The following DAAM1 variants were observed in gnomAD, a reference collection of about 807,000 sequenced individuals.
DAAM1 encodes disheveled-associated activator of morphogenesis 1.
In DAAM1, 52 loss-of-function variants were observed where a neutral mutation model predicts 130.0. The observed-to-expected ratio is 0.40, with a 90% CI of 0.32 to 0.50. DAAM1 has a LOEUF of 0.50. Ranked by LOEUF, DAAM1 falls within the 20% of genes least tolerant of loss-of-function variation. DAAM1 has a pLI of 0.61. For synonymous variants in DAAM1, 452 were observed against 444.5 expected (o/e 1.02, Z -0.21); for missense variants, 1,134 against 1,303.8 (o/e 0.87, Z 2.01).
At chr14:59,353,749 T>C in intron 18 of DAAM1, 127 bp from the exon 19 acceptor site, 1 of 783,142 alleles carries the variant, frequency 1.3e-6, no homozygotes, top group Non-Finnish European at 2.1e-6. Flanking sequence ...ACAACTAATG[T>C]ATGTGTGTCG....
At chr14:59,208,466 C>T (rs944087972) in intron 1 of DAAM1, among the ~76,000 whole-genome samples, 2 of 152,198 alleles carry the variant, frequency 1.3e-5, no homozygotes, top group East Asian at 1.9e-4. Context: ...TTTGCAGTTT[C>T]GATGTGGCAG....
chr14:59,360,921 T>G, intron 22 of DAAM1, 59 bp downstream of exon 22: 4 of 1,513,842 alleles, frequency 2.6e-6, no homozygotes, highest in Non-Finnish European at 3.6e-6. Context: ...CTAGTGCTGG[T>G]GGTTTTCAGC....
intron 2 of DAAM1, among the ~76,000 whole-genome samples, chr14:59,289,767 G>GACATATATATATATATATAT (rs1883635912): frequency 9.1e-6 from 1 of 110,220 alleles, no homozygotes; most frequent in Non-Finnish European, 1.9e-5. Flanking sequence ...AACAAAATGT[G>GACATATATATATATATATAT]ATATATATAT....
At position 59,368,858 on chromosome 14, in the gene DAAM1, A is replaced by G. The variant is rs1273986511; in HGVS notation, c.3206A>G (p.Ter1069=). 6.2e-7 allele frequency: 1 copy of G among 1,612,806 alleles called. No homozygotes were observed. Among genetic ancestry groups the G allele is most frequent in the Non-Finnish European group, 8.5e-7 (1 of 1,179,338 alleles). Residue 1069 remains the stop codon, a stop_retained_variant, in exon 25 of 25, where the codon TAA becomes TGA. Coordinates refer to ENST00000360909, the MANE Select transcript of DAAM1 (RefSeq NM_001270520.2). The part of the protein sequence containing the change: ...RERPITKLNF[*] Reference sequence around the variant, plus strand: ...AGACCAATCACAAAACTTAATTTCTAATTTTCCATGAATACTTTTTTTTAG... The same window carrying G: ...AGACCAATCACAAAACTTAATTTCTGATTTTCCATGAATACTTTTTTTTAG...
intron 3 of DAAM1, among the ~76,000 whole-genome samples, chr14:59,302,489 G>A (rs1884211281): frequency 6.6e-6 from 1 of 152,052 alleles, no homozygotes; most frequent in Admixed American, 6.6e-5. Context: ...CTCAGGGCTT[G>A]TCACTCACGC....
chr14:59,222,650 C>T (rs1888812774), intron 1 of DAAM1, among the ~76,000 whole-genome samples: 1 of 152,222 alleles, frequency 6.6e-6, no homozygotes, highest in Admixed American at 6.5e-5. Flanking sequence ...GGCTGACTGG[C>T]ATCCATAGAA....
chr14:59,338,843 T>C (rs1421532376), intron 15 of DAAM1, among the ~76,000 whole-genome samples: 1 of 152,208 alleles, frequency 6.6e-6, no homozygotes, highest in Non-Finnish European at 1.5e-5. Flanking sequence ...CTGATAGTTA[T>C]CAAGTACTTT....
At chr14:59,315,154 G>A (rs952683489) in intron 3 of DAAM1, 126 bp from the exon 4 acceptor site, 23 of 855,636 alleles carry the variant, frequency 2.7e-5, no homozygotes, top group East Asian at 2.2e-4. Flanking sequence ...AAATAAATAC[G>A]TCATACCTTC....
chr14:59,226,167 C>T (rs1888937858), intron 1 of DAAM1, among the ~76,000 whole-genome samples: 1 of 151,970 alleles, frequency 6.6e-6, no homozygotes, highest in South Asian at 2.1e-4. Flanking sequence ...TAGAATATCC[C>T]CTGGGACTTT....
In DAAM1 at chr14:59,368,795, A is replaced by C; in HGVS notation, c.3143A>C (p.Lys1048Thr). 1 of 1,614,042 alleles carries C rather than the reference A, an allele frequency of 6.2e-7. No homozygotes were observed. The highest frequency in any genetic ancestry group is 8.5e-7 in the Non-Finnish European group (1 of 1,179,942). ...CTTTCTAAATTGAAACGGAATCGCAAACGTATTACCAACCAGATGACTGAC... is the reference window on the plus strand; with the variant it reads ...CTTTCTAAATTGAAACGGAATCGCACACGTATTACCAACCAGATGACTGAC... ...KDLSKLKRNRKRITNQMTDSS... is the reference protein window; with the variant it reads ...KDLSKLKRNRTRITNQMTDSS... Residue 1048 changes from lysine to threonine, a missense_variant, in exon 25 of 25, where the codon AAA becomes ACA. Lys to Thr is a moderately conservative substitution (Grantham distance 78, BLOSUM62 -1). Around this residue, in one of 3 missense-constraint regions of DAAM1, gnomAD observed 644 missense variants for 695.9 expected, o/e 0.93. Transcript: ENST00000360909.
chr14:59,370,116 A>AT lies in DAAM1; in HGVS notation c.*1258dup. On this transcript the variant is annotated 3_prime_UTR_variant, in exon 25 of 25. Coordinates refer to ENST00000360909, the MANE Select transcript of DAAM1 (RefSeq NM_001270520.2). ...ACTCTTAATATCCTTAAATTATGTG[A>AT]TATATAAAGAGGACTGTTACTTTTT... 1 of 146,490 alleles carries AT rather than the reference A, an allele frequency of 6.8e-6. No homozygotes were observed. The highest frequency in any genetic ancestry group is 2.2e-4 in the South Asian group (1 of 4,558). 9.1% of individuals were successfully genotyped at this position (146,490 alleles called of 1,614,324 possible). A position where few individuals can be genotyped will look rare whatever the true frequency, so the allele number is the denominator to read the frequency against.
Position 59,263,632 on chromosome 14 carries a change from A to C in DAAM1, c.155A>C (p.Glu52Ala). Reference sequence around the variant, plus strand: ...GCATTGCCCATGCCCCCTGTGGAGGAGCTGGATGTCATGTTCAGTGAACTG... The same window carrying C: ...GCATTGCCCATGCCCCCTGTGGAGGCGCTGGATGTCATGTTCAGTGAACTG... ...EPALPMPPVE[E>A]LDVMFSELVD... is the part of the protein sequence containing the mutation. The change falls in exon 2 of 25, where the codon GAG (glutamate) becomes GCG (alanine). Residue 52 changes from glutamate (E) to alanine (A), a missense_variant. By Grantham distance (107) the Glu-to-Ala change is moderately radical. Around this residue, in one of 3 missense-constraint regions of DAAM1, gnomAD observed 99 missense variants for 86.4 expected, o/e 1.15. Coordinates refer to ENST00000360909, the MANE Select transcript of DAAM1 (RefSeq NM_001270520.2). 1.2e-6 allele frequency: 2 copies of C among 1,614,132 alleles called. No individual in the cohort carries two copies. The highest frequency in any genetic ancestry group is 1.7e-6 in the Non-Finnish European group (2 of 1,180,024).
At chr14:59,227,782 G>A (rs1177316092) in intron 1 of DAAM1, among the ~76,000 whole-genome samples, 1 of 152,188 alleles carries the variant, frequency 6.6e-6, no homozygotes, top group African/African-American at 2.4e-5. Context: ...TGGGCACACA[G>A]AGGACACGTA....
intron 1 of DAAM1, among the ~76,000 whole-genome samples, chr14:59,252,931 A>G (rs988056835): frequency 6.6e-6 from 1 of 152,200 alleles, no homozygotes; most frequent in Non-Finnish European, 1.5e-5. Flanking sequence ...TCTTTTAATT[A>G]GTACAGCTAC....
chr14:59,209,076 G>A (rs79809196), intron 1 of DAAM1, among the ~76,000 whole-genome samples: 1,885 of 152,228 alleles, frequency 0.012, 21 homozygotes, highest in Middle Eastern at 0.065. Context: ...AACACAAAAA[G>A]TCCCAATACA....
chr14:59,368,928 C>T lies in DAAM1; in HGVS notation c.*69C>T, dbSNP rs1021514759. The T allele has an allele frequency of 7.0e-7, 1 of 1,438,128 alleles. No individual in the cohort carries two copies. Among genetic ancestry groups the T allele is most frequent in the African/African-American group, 1.4e-5 (1 of 69,856 alleles). The allele number at this position is 1,438,128 out of a possible 1,614,324, so 89.1% of individuals were successfully genotyped here. A position where few individuals can be genotyped will look rare whatever the true frequency, so the allele number is the denominator to read the frequency against. On this transcript the variant is annotated 3_prime_UTR_variant, in exon 25 of 25. Coordinates refer to ENST00000360909, the MANE Select transcript of DAAM1 (RefSeq NM_001270520.2). ...CTAAAGTGACTAGAACGTTTCATTA[C>T]ACTGCCTTGCAATCCAAACAGTGGC...
chr14:59,341,890 A>G lies in DAAM1; in HGVS notation c.2075+1710A>G, dbSNP rs532926130. Among the ~76,000 whole-genome samples the G allele has an allele frequency of 3.9e-5, 6 of 152,158 alleles. No individual in the cohort carries two copies. In the East Asian group the frequency reaches 7.7e-4, roughly 20 times the overall value. On this transcript the variant is annotated intron_variant, in intron 16 of 24. Transcript: ENST00000360909. ...TGAAGGGAGCTGTCACAGAATTTCT[A>G]TAGTGTTGAAATGCCTTTAGAGTAA...
chr14:59,226,839 T>C (rs1290840990), intron 1 of DAAM1, among the ~76,000 whole-genome samples: 2 of 152,190 alleles, frequency 1.3e-5, no homozygotes, highest in Non-Finnish European at 2.9e-5. Context: ...GGGAATGGAC[T>C]GGGACACTAA....
chr14:59,260,736 C>T (rs1356913301), intron 1 of DAAM1, among the ~76,000 whole-genome samples: 3 of 152,102 alleles, frequency 2.0e-5, no homozygotes, highest in African/African-American at 7.2e-5. Flanking sequence ...AAATGTGTGA[C>T]CATTTTAAGA....
Sources: allele counts gnomAD v4.1 joint callset (sites outside exome capture counted in the v4.1 genomes callset), GRCh38; gene constraint gnomAD v4.1.1; regional missense constraint gnomAD v4.1.1; transcripts MANE v1.5; gene names NCBI Gene and HGNC (gene_info 2026-07-23, HGNC 2026-07-21).